ERP44: variants seen among roughly 807,000 people sequenced by gnomAD.
ERP44 encodes the protein endoplasmic reticulum protein 44, also known as endoplasmic reticulum resident protein 44.
A neutral mutation model predicts 53.4 loss-of-function variants in ERP44; 25 were observed. That is an observed-to-expected ratio of 0.47 (90% confidence interval 0.34 to 0.65). The LOEUF is 0.65. Among genes scored for constraint, ERP44 ranks in the 30% least tolerant of loss-of-function variants. The pLI, the probability that ERP44 is intolerant of heterozygous loss-of-function variation, is 0.01. For missense variants in ERP44, 338 were observed against 493.2 expected, an observed-to-expected ratio of 0.69 and a Z score of 2.98; for synonymous variants, 145 against 161.2, an observed-to-expected ratio of 0.90 and a Z score of 0.76.
At chr9:100,038,033 G>A (rs546606407) in intron 4 of ERP44, among the ~76,000 whole-genome samples, 36 of 152,054 alleles carry the variant, frequency 2.4e-4, no homozygotes, top group Admixed American at 3.9e-4. Flanking sequence ...ATATGAAAGA[G>A]AAATAAAGAC....
chr9:99,983,514 C>T (rs1332918837), intron 11 of ERP44, among the ~76,000 whole-genome samples: 1 of 145,648 alleles, frequency 6.9e-6, no homozygotes, highest in Non-Finnish European at 1.5e-5. Context: ...CACTGCAGTC[C>T]GCAGTCCGAC....
In ERP44 at chr9:100,091,874, C is replaced by T. The variant is rs7860280; in HGVS notation, c.57+6910G>A. On this transcript the variant is annotated intron_variant, in intron 1 of 11. Transcript: ENST00000262455. Reference sequence around the variant, plus strand: ...GTCTCATATGATGCTGATGCCTGGGCTCACAATCACACTTCTGAGTAGCAG... The same window carrying T: ...GTCTCATATGATGCTGATGCCTGGGTTCACAATCACACTTCTGAGTAGCAG... 3.9e-3 allele frequency among the ~76,000 whole-genome samples: 601 copies of T among 152,290 alleles called. 4 individuals carry two copies. Among genetic ancestry groups the T allele is most frequent in the African/African-American group, 0.014 (582 of 41,550 alleles).
At chr9:100,076,047 G>A (rs1587982685) in intron 1 of ERP44, among the ~76,000 whole-genome samples, 1 of 152,306 alleles carries the variant, frequency 6.6e-6, no homozygotes, top group East Asian at 1.9e-4. Flanking sequence ...TTTGGAGCAA[G>A]GCCCTGCCAT....
intron 1 of ERP44, among the ~76,000 whole-genome samples, chr9:100,077,259 C>T (rs117397502): frequency 9.2e-5 from 14 of 152,336 alleles, no homozygotes; most frequent in East Asian, 3.9e-4. Context: ...CTGACAAAGA[C>T]GCTCACTTTA....
chr9:99,988,412 A>G (rs1389272055), intron 10 of ERP44, among the ~76,000 whole-genome samples: 2 of 152,230 alleles, frequency 1.3e-5, no homozygotes, highest in Non-Finnish European at 2.9e-5. Context: ...ATATAGGTAC[A>G]TGATAAATTC....
intron 1 of ERP44, among the ~76,000 whole-genome samples, chr9:100,070,737 A>C (rs1158250297): frequency 1.3e-5 from 2 of 152,234 alleles, no homozygotes; most frequent in Non-Finnish European, 2.9e-5. Context: ...AGTGTATAAG[A>C]AACATTGGCT....
intron 11 of ERP44, among the ~76,000 whole-genome samples, chr9:99,983,521 C>T (rs950502121): frequency 2.8e-5 from 4 of 142,870 alleles, no homozygotes; most frequent in East Asian, 2.0e-4. Context: ...GTCCGCAGTC[C>T]GACCTGGGCG....
At chr9:99,984,034 G>C (rs1043133681) in intron 11 of ERP44, among the ~76,000 whole-genome samples, 1 of 152,098 alleles carries the variant, frequency 6.6e-6, no homozygotes, top group Non-Finnish European at 1.5e-5. Context: ...TCACCTTTGG[G>C]TTATAGCCAA....
intron 10 of ERP44, among the ~76,000 whole-genome samples, chr9:99,995,430 T>C (rs1009128629): frequency 2.0e-5 from 3 of 152,224 alleles, no homozygotes; most frequent in Admixed American, 6.5e-5. Flanking sequence ...GGAAAAGCAT[T>C]TGATCCTTTA....
intron 8 of ERP44, among the ~76,000 whole-genome samples, chr9:100,008,662 C>T (rs1830442384): frequency 6.6e-6 from 1 of 152,180 alleles, no homozygotes; most frequent in South Asian, 2.1e-4. Flanking sequence ...TGGCTCTCAT[C>T]TCCATATTTA....
At chr9:99,983,020 G>A (rs1367898685) in intron 11 of ERP44, among the ~76,000 whole-genome samples, 1 of 152,084 alleles carries the variant, frequency 6.6e-6, no homozygotes, top group African/African-American at 2.4e-5. Flanking sequence ...TAGACTAGTC[G>A]ACAGAGACAG....
At chr9:99,984,768 C>T (rs371117220) in intron 11 of ERP44, among the ~76,000 whole-genome samples, 199 bp downstream of exon 11, 49 of 152,204 alleles carry the variant, frequency 3.2e-4, no homozygotes, top group South Asian at 1.7e-3. Flanking sequence ...CAAGAAACTA[C>T]GTTATAATAT....
chr9:99,993,232 G>T (rs957240177), intron 10 of ERP44, among the ~76,000 whole-genome samples: 2 of 152,196 alleles, frequency 1.3e-5, no homozygotes, highest in South Asian at 4.1e-4. Flanking sequence ...GAAGAAAGCT[G>T]GAGGCATCAC....
intron 10 of ERP44, among the ~76,000 whole-genome samples, chr9:99,992,791 C>T (rs985097599): frequency 2.6e-5 from 4 of 152,158 alleles, no homozygotes; most frequent in African/African-American, 9.7e-5. Flanking sequence ...CCAAAATCTC[C>T]TTAAGCTGAT....
chr9:100,061,586 A>G (rs1208026338), intron 1 of ERP44, among the ~76,000 whole-genome samples: 1 of 147,104 alleles, frequency 6.8e-6, no homozygotes, highest in Non-Finnish European at 1.5e-5. Context: ...AGAAACGTAT[A>G]TATTTATAGA....
chr9:100,030,409 G>A (rs1825768383), intron 4 of ERP44, among the ~76,000 whole-genome samples: 1 of 152,150 alleles, frequency 6.6e-6, no homozygotes, highest in South Asian at 2.1e-4. Context: ...GTAAAGGATG[G>A]GATTGGGTTA....
chr9:99,985,520 T>C (rs1265480962), intron 10 of ERP44, among the ~76,000 whole-genome samples: 1 of 152,186 alleles, frequency 6.6e-6, no homozygotes, highest in Non-Finnish European at 1.5e-5. Context: ...ACTGCGAACC[T>C]ATAACAAAAA....
rs570795737 is a variant in ERP44 at position 100,017,894 on chromosome 9, C to T, written c.645+362G>A. Among the ~76,000 whole-genome samples, 6 of 152,250 alleles carry T rather than the reference C, an allele frequency of 3.9e-5. No individual in the cohort carries two copies. In the East Asian group the frequency reaches 1.2e-3, roughly 29 times the overall value. ...AGAAGATTTGGGAGTTTGGCTAGTA[C>T]AATACGGGTAGAAGTGACAATCACA... On this transcript the variant is annotated intron_variant, in intron 7 of 11. Transcript: ENST00000262455.
Position 99,982,587 on chromosome 9 carries a change from G to T in ERP44, c.*25C>A. On this transcript the variant is annotated 3_prime_UTR_variant, in exon 12 of 12. Transcript: ENST00000262455. ...ACGTAGGTTGATGCTGCTGTTGAAAGGCTTACAAACTGTTTTTCAAGTTTT... is the reference window on the plus strand; with the variant it reads ...ACGTAGGTTGATGCTGCTGTTGAAATGCTTACAAACTGTTTTTCAAGTTTT... 1 of 1,270,834 alleles carries T rather than the reference G, an allele frequency of 7.9e-7. No individual in the cohort carries two copies. Among genetic ancestry groups the T allele is most frequent in the Non-Finnish European group, 1.1e-6 (1 of 922,560 alleles). The allele number at this position is 1,270,834 out of a possible 1,614,324, so 78.7% of individuals were successfully genotyped here.
Sources: allele counts gnomAD v4.1 joint callset (sites outside exome capture counted in the v4.1 genomes callset), GRCh38; gene constraint gnomAD v4.1.1; transcripts MANE v1.5; gene names NCBI Gene and HGNC (gene_info 2026-07-23, HGNC 2026-07-21).